CEP76: variants seen among roughly 807,000 people sequenced by gnomAD.
CEP76 encodes centrosomal protein of 76 kDa.
A neutral mutation model predicts 83.3 loss-of-function variants in CEP76; 55 were observed. That is an observed-to-expected ratio of 0.66 (90% CI 0.53 to 0.83). CEP76 has a LOEUF of 0.83. CEP76 is among the 40% of genes least tolerant of loss of function. The pLI is 0.00. For missense variants in CEP76, 694 were observed against 799.5 expected, an observed-to-expected ratio of 0.87 and a Z score of 1.59; for synonymous variants, 270 against 274.5, an observed-to-expected ratio of 0.98 and a Z score of 0.16.
intron 7 of CEP76, 158 bp from the exon 8 acceptor site, chr18:12,686,608 T>C (rs1445064964): frequency 7.4e-6 from 4 of 543,102 alleles, no homozygotes; most frequent in Non-Finnish European, 1.3e-5. Context: ...TGTATATAAT[T>C]TCCCTTAATC....
intron 7 of CEP76, 182 bp downstream of exon 7, chr18:12,691,176 AC>A (rs1388109570): frequency 2.3e-6 from 1 of 429,406 alleles, no homozygotes; most frequent in Non-Finnish European, 4.0e-6. Flanking sequence ...GTAAAATAAG[AC>A]ATAGATTGAT....
intron 4 of CEP76, among the ~76,000 whole-genome samples, chr18:12,698,205 T>C (rs887729652): frequency 1.6e-4 from 25 of 151,782 alleles, no homozygotes; most frequent in Admixed American, 1.6e-3. Context: ...TTAGAAGTTT[T>C]TATAAATAAT....
downstream of CEP76, chr18:12,671,135 G>C (rs1190650957): frequency 1.3e-5 from 2 of 150,544 alleles, no homozygotes; most frequent in Non-Finnish European, 3.0e-5. Flanking sequence ...AGAAATAGGG[G>C]GGGGTCTCTC....
intron 1 of CEP76, among the ~76,000 whole-genome samples, chr18:12,701,382 A>C (rs1423193010): frequency 1.3e-5 from 2 of 152,214 alleles, no homozygotes; most frequent in Non-Finnish European, 1.5e-5. Flanking sequence ...TAATCAGAAG[A>C]ACACGGACTG....
At chr18:12,700,885 G>A (rs2040126752) in intron 2 of CEP76, 73 bp downstream of exon 2, 3 of 1,272,978 alleles carry the variant, frequency 2.4e-6, no homozygotes, top group Non-Finnish European at 2.2e-6. Flanking sequence ...CCCCACATCG[G>A]AACCTTATAA....
chr18:12,673,994 C>CA (rs2039028410), intron 11 of CEP76, among the ~76,000 whole-genome samples: 1 of 152,146 alleles, frequency 6.6e-6, no homozygotes, highest in Non-Finnish European at 1.5e-5. Context: ...CAAACAAAAT[C>CA]AGAGATACCT....
At chr18:12,669,941 G>A (rs1261662007), downstream of CEP76, among the ~76,000 whole-genome samples, 1 of 151,020 alleles carries the variant, frequency 6.6e-6, no homozygotes, top group Admixed American at 6.6e-5. Context: ...AGGTTGCGGT[G>A]AGCCGAGATT....
At chr18:12,688,099 G>C (rs577798680) in intron 7 of CEP76, among the ~76,000 whole-genome samples, 32 of 151,720 alleles carry the variant, frequency 2.1e-4, no homozygotes, top group African/African-American at 6.8e-4. Context: ...AAAAAAATTA[G>C]CCAGGCATGT....
intron 10 of CEP76, among the ~76,000 whole-genome samples, chr18:12,675,670 AT>A (rs1180064991): frequency 6.6e-6 from 1 of 151,218 alleles, no homozygotes; most frequent in Non-Finnish European, 1.5e-5. Context: ...TTTATTTTTT[AT>A]TTTTTTAAAT....
Position 12,673,417 on chromosome 18 carries a change from G to A in CEP76, c.1928C>T (p.Ser643Phe), listed in dbSNP as rs748769259. Residue 643 changes from serine (S) to phenylalanine (F), a missense_variant, in exon 12 of 12, where the codon TCT becomes TTT. Physicochemically the swap from Ser to Phe is radical, Grantham distance 155 (BLOSUM62 -2). Transcript: ENST00000262127. ...AAACATGATCCAAACAGCACATGCA[G>A]ATTCAGGGTAAGTAAATACTCGGAC... Reference protein sequence around the residue: ...VRVRVFTYPESACAVWIMFAC... With the variant: ...VRVRVFTYPEFACAVWIMFAC... 1 of 1,606,542 alleles carries A rather than the reference G, an allele frequency of 6.2e-7. No individual in the cohort carries two copies. The highest frequency in any genetic ancestry group is 8.5e-7 in the Non-Finnish European group (1 of 1,177,590).
chr18:12,701,421 T>C (rs1054959180), intron 1 of CEP76, among the ~76,000 whole-genome samples: 3 of 152,272 alleles, frequency 2.0e-5, no homozygotes, highest in South Asian at 2.1e-4. Context: ...TATGATCTTA[T>C]TACTTTCATA....
At position 12,687,325 on chromosome 18, in the gene CEP76, T is replaced by C. The variant is rs537305610; in HGVS notation, c.934-875A>G. On this transcript the variant is annotated intron_variant, in intron 7 of 11. Coordinates refer to ENST00000262127, the MANE Select transcript of CEP76 (RefSeq NM_024899.4). ...CTTTTTCCAATATAGTCCCATACTT[T>C]AGCAAGGAAAAAAAAACTCACTTAT... Among the ~76,000 whole-genome samples the C allele has an allele frequency of 3.4e-3, 518 of 152,174 alleles. 3 individuals carry two copies. Among genetic ancestry groups the C allele is most frequent in the Middle Eastern group, 0.01 (3 of 294 alleles).
chr18:12,674,459 G>T, intron 11 of CEP76, 77 bp downstream of exon 11: 4 of 1,010,266 alleles, frequency 4.0e-6, no homozygotes, highest in Non-Finnish European at 5.7e-6. Flanking sequence ...AAAAAAAAAG[G>T]AAATTAAAAA....
At chr18:12,678,043 C>CAA (rs1195611794) in intron 10 of CEP76, 66 bp downstream of exon 10, 2 of 1,329,568 alleles carry the variant, frequency 1.5e-6, no homozygotes, top group Non-Finnish European at 2.1e-6. Flanking sequence ...ATCACACACA[C>CAA]CAAAAAACAG....
chr18:12,695,961 G>A (rs1452598748), intron 5 of CEP76, among the ~76,000 whole-genome samples: 1 of 151,894 alleles, frequency 6.6e-6, no homozygotes, highest in African/African-American at 2.4e-5. Flanking sequence ...ATTACAGGCT[G>A]AGTAGAAATT....
intron 11 of CEP76, 79 bp downstream of exon 11, chr18:12,674,457 A>T: frequency 1.0e-6 from 1 of 996,860 alleles, no homozygotes; most frequent in Non-Finnish European, 1.5e-6. Flanking sequence ...AAAAAAAAAA[A>T]GGAAATTAAA....
chr18:12,694,011 T>C (rs533723103), intron 6 of CEP76, among the ~76,000 whole-genome samples: 2 of 152,148 alleles, frequency 1.3e-5, no homozygotes, highest in African/African-American at 4.8e-5. Flanking sequence ...TTTTAAAATT[T>C]TTGTAGAGAC....
rs772660362 is a variant in CEP76 at position 12,699,150 on chromosome 18, C to G, written c.349G>C (p.Ala117Pro). ...GGTTCTTGCAGATGTTCCAAGAAAG[C>G]TTTTCCACCCAAAACCTGAAGGTAA... ...YLYLQVLGGKAFLEHLQEPEP... is the reference protein window; with the variant it reads ...YLYLQVLGGKPFLEHLQEPEP... Residue 117 changes from alanine (A) to proline (P), a missense_variant, in exon 4 of 12, where the codon GCT (alanine) becomes CCT (proline). Physicochemically the swap from Ala to Pro is conservative, Grantham distance 27. Transcript: ENST00000262127. The G allele has an allele frequency of 6.2e-7, 1 of 1,614,078 alleles. No individual in the cohort carries two copies. Among genetic ancestry groups the G allele is most frequent in the Non-Finnish European group, 8.5e-7 (1 of 1,179,986 alleles).
Position 12,672,748 on chromosome 18 carries a change from ATG to A in CEP76, c.*615_*616del. ...AGTGATAAATATTTCTAAATGATTC[ATG>A]TACTTTCATATGAGGTTATTAATAT... is the stretch of plus-strand genomic sequence containing the variant. On this transcript the variant is annotated 3_prime_UTR_variant, in exon 12 of 12. Transcript: ENST00000262127. 5 of 973,306 alleles carry A rather than the reference ATG, an allele frequency of 5.1e-6. No homozygotes were observed. The highest frequency in any genetic ancestry group is 6.1e-6 in the Non-Finnish European group (5 of 818,740). The allele number at this position is 973,306 out of a possible 1,614,324, so 60.3% of individuals were successfully genotyped here. A position where few individuals can be genotyped will look rare whatever the true frequency, so the allele number is the denominator to read the frequency against.
Sources: allele counts gnomAD v4.1 joint callset (sites outside exome capture counted in the v4.1 genomes callset), GRCh38; gene constraint gnomAD v4.1.1; transcripts MANE v1.5; gene names NCBI Gene and HGNC (gene_info 2026-07-23, HGNC 2026-07-21).